ITFG1: variants seen among roughly 807,000 people sequenced by gnomAD.
ITFG1 encodes the protein integrin alpha FG-GAP repeat containing 1, also known as T-cell immunomodulatory protein.
In ITFG1, 34 loss-of-function variants were observed where a neutral mutation model predicts 81.8. The ratio of observed to expected loss-of-function variants is 0.42; its 90% CI spans 0.32 to 0.55. ITFG1 has a LOEUF of 0.55. ITFG1 is among the 20% of genes least tolerant of loss of function. The pLI is 0.17. For synonymous variants in ITFG1, 285 were observed against 270.6 expected, an observed-to-expected ratio of 1.05 and a Z score of -0.52; for missense variants, 672 against 755.4, an observed-to-expected ratio of 0.89 and a Z score of 1.29.
intron 5 of ITFG1, among the ~76,000 whole-genome samples, chr16:47,432,595 G>A (rs1187004240): frequency 1.3e-5 from 2 of 152,136 alleles, no homozygotes; most frequent in East Asian, 3.8e-4. Context: ...TATTCATACA[G>A]ACTAATTTCA....
chr16:47,460,786 C>T (rs1261899495), intron 1 of ITFG1, 52 bp downstream of exon 1: 2 of 1,588,256 alleles, frequency 1.3e-6, no homozygotes, highest in South Asian at 1.1e-5. Flanking sequence ...TTGGGGAACA[C>T]CGGGAGAGGC....
intron 14 of ITFG1, among the ~76,000 whole-genome samples, chr16:47,198,289 G>A (rs936084068): frequency 1.3e-5 from 2 of 152,036 alleles, no homozygotes; most frequent in African/African-American, 4.8e-5. Context: ...GTCAACAATG[G>A]ACCACATAAA....
chr16:47,409,399 TA>T (rs1312085534), intron 6 of ITFG1, among the ~76,000 whole-genome samples: 240 of 21,928 alleles, frequency 0.011, 7 homozygotes, highest in African/African-American at 0.03. Context: ...TATATATATA[TA>T]TATATTTTTT....
chr16:47,376,963 C>CAAA, intron 6 of ITFG1, among the ~76,000 whole-genome samples: 2 of 43,264 alleles, frequency 4.6e-5, no homozygotes, highest in African/African-American at 1.8e-4. Flanking sequence ...CTCTGTCTCC[C>CAAA]CAAAAAAAAA....
At chr16:47,256,402 T>C (rs1018115077) in intron 12 of ITFG1, among the ~76,000 whole-genome samples, 5 of 152,218 alleles carry the variant, frequency 3.3e-5, no homozygotes, top group South Asian at 2.1e-4. Context: ...TTGTTTCAAT[T>C]AACTGAACTT....
chr16:47,266,709 C>A (rs1029120807), intron 10 of ITFG1, among the ~76,000 whole-genome samples: 1 of 151,936 alleles, frequency 6.6e-6, no homozygotes, highest in African/African-American at 2.4e-5. Flanking sequence ...AGATATATTC[C>A]AAGGAAAATG....
chr16:47,250,918 G>C (rs1017230806), intron 12 of ITFG1, among the ~76,000 whole-genome samples: 1 of 152,200 alleles, frequency 6.6e-6, no homozygotes, highest in African/African-American at 2.4e-5. Flanking sequence ...GGAATGGAGG[G>C]TCTCTGGAAA....
At chr16:47,246,749 A>C (rs2151537246) in intron 12 of ITFG1, among the ~76,000 whole-genome samples, 1 of 152,324 alleles carries the variant, frequency 6.6e-6, no homozygotes, top group Middle Eastern at 3.4e-3. Context: ...GTGCTACAGA[A>C]GGATGAAATT....
Position 47,460,907 on chromosome 16 carries a change from A to C in ITFG1, c.139T>G (p.Trp47Gly). ...VTAELFGAEA[W>G]GTLAAFGDLN... is the part of the protein sequence containing the mutation. ...TCCCCGAAAGCCGCAAGGGTGCCCC[A>C]GGCCTCGGCCCCAAAGAGCTCGGCC... The change falls in exon 1 of 18, where the codon TGG becomes GGG. Residue 47 changes from tryptophan (W) to glycine (G), a missense_variant. By Grantham distance (184) the Trp-to-Gly change is radical (BLOSUM62 -2). Around this residue, in one of 3 missense-constraint regions of ITFG1, gnomAD observed 560 missense variants for 625.7 expected, o/e 0.90. Transcript: ENST00000320640. 1 of 1,613,392 alleles carries C rather than the reference A, an allele frequency of 6.2e-7. No individual in the cohort carries two copies. Among genetic ancestry groups the C allele is most frequent in the East Asian group, 2.2e-5 (1 of 44,850 alleles).
intron 10 of ITFG1, among the ~76,000 whole-genome samples, chr16:47,273,983 G>A (rs184245238): frequency 1.2e-4 from 19 of 152,274 alleles, no homozygotes; most frequent in East Asian, 1.2e-3. Context: ...TCGGCTGGGC[G>A]TGGTGGCTCA....
chr16:47,258,749 A>T lies in ITFG1; in HGVS notation c.1222-9T>A. On this transcript the variant is annotated splice_polypyrimidine_tract_variant and intron_variant, in intron 11 of 17. Transcript: ENST00000320640. ...ACAATGTCCAAGATTCCCTGGAAAA[A>T]AACAAACAAAAATGGTAAGAACAAA... The T allele has an allele frequency of 1.5e-6, 2 of 1,317,286 alleles. No individual in the cohort carries two copies. Among genetic ancestry groups the T allele is most frequent in the South Asian group, 2.8e-5 (2 of 72,546 alleles). The allele number at this position is 1,317,286 out of a possible 1,614,324, so 81.6% of individuals were successfully genotyped here. A position where few individuals can be genotyped will look rare whatever the true frequency, so the allele number is the denominator to read the frequency against.
chr16:47,188,976 G>A (rs1033149765), intron 14 of ITFG1, among the ~76,000 whole-genome samples: 1 of 152,170 alleles, frequency 6.6e-6, no homozygotes, highest in African/African-American at 2.4e-5. Context: ...TGTTGGCCAA[G>A]CTGGTCTTGA....
At chr16:47,222,601 G>T (rs1475210536) in intron 13 of ITFG1, among the ~76,000 whole-genome samples, 1 of 152,014 alleles carries the variant, frequency 6.6e-6, no homozygotes, top group Non-Finnish European at 1.5e-5. Context: ...TTTTAGTAGA[G>T]ACGGGGTTTC....
intron 8 of ITFG1, among the ~76,000 whole-genome samples, chr16:47,315,538 C>G (rs1967340402): frequency 6.6e-6 from 1 of 152,012 alleles, no homozygotes; most frequent in Non-Finnish European, 1.5e-5. Context: ...TTTACTTCTC[C>G]CCTAGTTTCT....
chr16:47,385,330 C>T (rs1191354893), intron 6 of ITFG1, among the ~76,000 whole-genome samples: 1 of 152,160 alleles, frequency 6.6e-6, no homozygotes, highest in Non-Finnish European at 1.5e-5. Context: ...AAAATACACA[C>T]TAAATACACT....
chr16:47,182,740 T>A (rs934150266), intron 14 of ITFG1, among the ~76,000 whole-genome samples: 4 of 152,246 alleles, frequency 2.6e-5, no homozygotes, highest in Non-Finnish European at 5.9e-5. Context: ...TAATGTTTTA[T>A]AAAACTGCTT....
At chr16:47,313,037 TA>T (rs1442883572) in intron 9 of ITFG1, 1 of 152,214 alleles carries the variant, frequency 6.6e-6, no homozygotes, top group Non-Finnish European at 1.5e-5. Context: ...TTAAGGCTAA[TA>T]AAGTGAAGCT....
At chr16:47,422,492 G>T (rs1002883673) in intron 6 of ITFG1, among the ~76,000 whole-genome samples, 2 of 152,176 alleles carry the variant, frequency 1.3e-5, no homozygotes, top group African/African-American at 4.8e-5. Context: ...GTATCAGGAT[G>T]ATGCTGGCCT....
At chr16:47,344,994 T>C (rs1037226669) in intron 8 of ITFG1, among the ~76,000 whole-genome samples, 2 of 152,352 alleles carry the variant, frequency 1.3e-5, no homozygotes, top group Non-Finnish European at 1.5e-5. Context: ...CCAGCCACTA[T>C]TCTAAACACT....
Sources: allele counts gnomAD v4.1 joint callset (sites outside exome capture counted in the v4.1 genomes callset), GRCh38; gene constraint gnomAD v4.1.1; regional missense constraint gnomAD v4.1.1; transcripts MANE v1.5; gene names NCBI Gene and HGNC (gene_info 2026-07-23, HGNC 2026-07-21).